Variants in NBEAL2 observed in about 807,000 individuals in gnomAD.
NBEAL2 encodes the protein neurobeachin-like protein 2.
Under a neutral mutation model 299.8 loss-of-function variants are expected in NBEAL2, and 160 were observed. The observed-to-expected ratio is 0.53, with a 90% CI of 0.47 to 0.61. The LOEUF (loss-of-function observed/expected upper bound fraction) is 0.61. Ranked by LOEUF, NBEAL2 falls within the 20% of genes least tolerant of loss-of-function variation. The pLI is 0.00. For synonymous variants in NBEAL2, 1,493 were observed against 1,542.3 expected, an observed-to-expected ratio of 0.97 and a Z score of 0.75; for missense variants, 3,112 against 3,649.0, an observed-to-expected ratio of 0.85 and a Z score of 3.79.
At chr3:46,985,759 GGGTTGGGGCCCTGACCCAGTTA>G (rs1350042013) in intron 1 of NBEAL2, among the ~76,000 whole-genome samples, 1 of 152,220 alleles carries the variant, frequency 6.6e-6, no homozygotes, top group Non-Finnish European at 1.5e-5. Flanking sequence ...GTGGGGGACA[GGGTTGGGGCCCTGACCCAGTTA>G]GGTTGGGGCA....
In NBEAL2 at chr3:47,002,536, T is replaced by C. The variant is rs745939751; in HGVS notation, c.5301+16T>C. ...GGCCTTCCAGGTGTGCCACCCGGGGTAAGGGATGGGAAACTGCTCCACACA... is the reference window on the plus strand; with the variant it reads ...GGCCTTCCAGGTGTGCCACCCGGGGCAAGGGATGGGAAACTGCTCCACACA... On this transcript the variant is annotated intron_variant, in intron 32 of 53. Coordinates refer to ENST00000450053, the MANE Select transcript of NBEAL2 (RefSeq NM_015175.3). The C allele has an allele frequency of 4.3e-6, 7 of 1,611,260 alleles. No individual in the cohort carries two copies. The highest frequency in any genetic ancestry group is 1.1e-5 in the South Asian group (1 of 90,984).
intron 52 of NBEAL2, 23 bp from the exon 53 acceptor site, chr3:47,008,966 T>C (rs1041578864): frequency 6.3e-7 from 1 of 1,598,434 alleles, no homozygotes; most frequent in Non-Finnish European, 8.5e-7. Context: ...CGCAAGTTGG[T>C]GTATATCCCC....
chr3:46,996,374 C>T lies in NBEAL2; in HGVS notation c.2255C>T (p.Pro752Leu). Residue 752 changes from proline to leucine, a missense_variant, in exon 16 of 54, where the codon CCC becomes CTC. Transcript: ENST00000450053. The stretch of plus-strand genomic sequence containing the variant: ...CCCGCCACCCTGGCCTACACTCACC[C>T]CGCCCTCACCCGCTCCCAGTCAGTC... ...PVPATLAYTH[P>L]ALTRSQSVPA... 1 of 1,612,392 alleles carries T rather than the reference C, an allele frequency of 6.2e-7. No individual in the cohort carries two copies.
intron 1 of NBEAL2, chr3:46,987,942 CTG>C: frequency 8.1e-7 from 1 of 1,236,680 alleles, no homozygotes; most frequent in Non-Finnish European, 1.0e-6. Flanking sequence ...CACCGTGACT[CTG>C]CGCTTCCTGC....
Position 47,004,558 on chromosome 3 carries a change from C to A in NBEAL2, c.6262C>A (p.Arg2088=), listed in dbSNP as rs762392684. The A allele has an allele frequency of 5.0e-6, 8 of 1,613,676 alleles. No homozygotes were observed. In the South Asian group the frequency reaches 5.5e-5, roughly 11 times the overall value. Residue 2088 remains arginine (R), a synonymous_variant, in exon 38 of 54, where the codon CGG becomes AGG. Transcript: ENST00000450053. The surrounding 1 kb of genome is among the most constrained non-coding windows in gnomAD (Gnocchi z 5.0). ...GATGCAACTCAACACCATTGCGGGGCGGACCTACAATGACCTGTCTCAGTA... is the reference window on the plus strand; with the variant it reads ...GATGCAACTCAACACCATTGCGGGGAGGACCTACAATGACCTGTCTCAGTA... ...YLMQLNTIAG[R]TYNDLSQYPV...
In NBEAL2 at chr3:47,009,238, C is replaced by T; in HGVS notation, c.8183C>T (p.Ala2728Val). ...QPSEVRSSQF[A>V]RKLWRSSRRI... ...CACCAGGTGCGCAGCAGCCAGTTCG[C>T]GCGGAAGCTGTGGCGGTCCTCGCGG... The change falls in exon 54 of 54, where the codon GCG becomes GTG. Residue 2728 changes from alanine (A) to valine (V), a missense_variant. Around this residue, in one of 3 missense-constraint regions of NBEAL2, gnomAD observed 348 missense variants for 381.4 expected, o/e 0.91. Transcript: ENST00000450053. 1 of 1,600,092 alleles carries T rather than the reference C, an allele frequency of 6.2e-7. No individual in the cohort carries two copies. The highest frequency in any genetic ancestry group is 2.3e-5 in the East Asian group (1 of 44,204).
rs756774725 is a variant in NBEAL2, at chr3:47,001,299, A to T, written c.4505A>T (p.Glu1502Val). ...IKRSLLEMML[E>V]SALTDIKEAP... is the part of the protein sequence containing the mutation. The stretch of plus-strand genomic sequence containing the variant: ...GCCAGCCTCCTGGAGATGATGCTGG[A>T]GTCAGCCCTGACCGACATCAAAGAG... The change falls in exon 29 of 54, where the codon GAG becomes GTG. Residue 1502 changes from glutamate (E) to valine (V), a missense_variant. Physicochemically the swap from Glu to Val is moderately radical, Grantham distance 121 (BLOSUM62 -2). This residue lies in a region of NBEAL2 where 2,243 missense variants were observed against 2,538.1 expected (regional missense o/e 0.88). Coordinates refer to ENST00000450053, the MANE Select transcript of NBEAL2 (RefSeq NM_015175.3). This position sits in a 1 kb window ranked among gnomAD's most constrained non-coding sequence, Gnocchi z 6.1. 6.2e-7 allele frequency: 1 copy of T among 1,611,076 alleles called. No homozygotes were observed. Among genetic ancestry groups the T allele is most frequent in the Admixed American group, 1.7e-5 (1 of 59,968 alleles).
At position 47,002,781 on chromosome 3, in the gene NBEAL2, C is replaced by T. The variant is rs745323832; in HGVS notation, c.5438C>T (p.Pro1813Leu). The T allele has an allele frequency of 3.2e-6, 5 of 1,551,510 alleles. No homozygotes were observed. The Admixed American group carries it at 7.5e-5, about 23-fold the overall frequency. The stretch of plus-strand genomic sequence containing the variant: ...GCGCTGTGGCGCCAGCTCGCCAGCC[C>T]ATGTGGGGCCTGGGCGCTGAGGTGG... ...WGALWRQLAS[P>L]CGAWALRDTP... Residue 1813 changes from proline (P) to leucine (L), a missense_variant, in exon 33 of 54, where the codon CCA becomes CTA. Transcript: ENST00000450053.
chr3:47,004,896 G>A lies in NBEAL2; in HGVS notation c.6295-76G>A. 2 of 1,548,242 alleles carry A rather than the reference G, an allele frequency of 1.3e-6. No homozygotes were observed. The highest frequency in any genetic ancestry group is 2.4e-5 in the South Asian group (2 of 84,018). ...GGGCAGGCTCTGTGCCCGCCTTCTTGAGGGTGTGGGCAGGGCAGGGTGGGC... is the reference window on the plus strand; with the variant it reads ...GGGCAGGCTCTGTGCCCGCCTTCTTAAGGGTGTGGGCAGGGCAGGGTGGGC... On this transcript the variant is annotated intron_variant, in intron 38 of 53. Coordinates refer to ENST00000450053, the MANE Select transcript of NBEAL2 (RefSeq NM_015175.3). This position sits in a 1 kb window ranked among gnomAD's most constrained non-coding sequence, Gnocchi z 5.0.
intron 21 of NBEAL2, 45 bp from the exon 22 acceptor site, chr3:46,998,418 C>G (rs1244553508): frequency 1.9e-6 from 3 of 1,574,090 alleles, no homozygotes; most frequent in Admixed American, 3.6e-5. Context: ...TCTGAAGGGC[C>G]CAGCTCAGCC....
At chr3:46,990,538 C>T (rs2036008060) in intron 6 of NBEAL2, among the ~76,000 whole-genome samples, 4 of 152,178 alleles carry the variant, frequency 2.6e-5, no homozygotes. Context: ...TCAGGTCTCC[C>T]CTCAAAAGCC....
Position 47,009,560 on chromosome 3 carries a change from A to C in NBEAL2, c.*240A>C, listed in dbSNP as rs1471377510. ...CAGCACTGGCGTCTGCGGCCGCAGCAGCACTTTTTGCACAGTCTGGGGCGG... is the reference window on the plus strand; with the variant it reads ...CAGCACTGGCGTCTGCGGCCGCAGCCGCACTTTTTGCACAGTCTGGGGCGG... On this transcript the variant is annotated 3_prime_UTR_variant, in exon 54 of 54. Coordinates refer to ENST00000450053, the MANE Select transcript of NBEAL2 (RefSeq NM_015175.3). The C allele has an allele frequency of 3.6e-6, 2 of 557,492 alleles. No homozygotes were observed. Among genetic ancestry groups the C allele is most frequent in the Non-Finnish European group, 6.3e-6 (2 of 315,752 alleles). The allele number at this position is 557,492 out of a possible 1,614,324, so 34.5% of individuals were successfully genotyped here.
At chr3:46,987,577 A>G (rs2035752304) in intron 1 of NBEAL2, among the ~76,000 whole-genome samples, 1 of 152,230 alleles carries the variant, frequency 6.6e-6, no homozygotes, top group South Asian at 2.1e-4. Context: ...TGAGGTGGCC[A>G]GGACATGGCG....
Position 46,991,121 on chromosome 3 carries a change from C to G in NBEAL2, c.557-98C>G. The G allele has an allele frequency of 9.3e-7, 1 of 1,080,734 alleles. No individual in the cohort carries two copies. Among genetic ancestry groups the G allele is most frequent in the Non-Finnish European group, 1.4e-6 (1 of 722,474 alleles). 66.9% of individuals were successfully genotyped at this position (1,080,734 alleles called of 1,614,324 possible). ...GATCTTTTACTTGGCCCAGCTCCCTCTCCCCTCCACCCCAGGGCACTCACC... is the reference window on the plus strand; with the variant it reads ...GATCTTTTACTTGGCCCAGCTCCCTGTCCCCTCCACCCCAGGGCACTCACC... On this transcript the variant is annotated intron_variant, in intron 6 of 53. Transcript: ENST00000450053. This position sits in a 1 kb window ranked among gnomAD's most constrained non-coding sequence, Gnocchi z 6.2.
chr3:46,998,983 C>T lies in NBEAL2; in HGVS notation c.3409C>T (p.Leu1137=), dbSNP rs554720150. ...GQAVGALDLL[L]ALLHGSLVQE... ...GGCGGTGGGTGCGCTGGACCTGCTG[C>T]TGGCCCTGCTGCACGGTTCCCTGGT... Residue 1137 remains leucine, a synonymous_variant, in exon 24 of 54, where the codon CTG becomes TTG. Transcript: ENST00000450053. 9.0e-5 allele frequency: 145 copies of T among 1,607,534 alleles called. No individual in the cohort carries two copies. The East Asian group carries it at 2.7e-3, about 30-fold the overall frequency.
rs2035447326 is a variant in NBEAL2, at chr3:46,982,986, T to A, written c.51+3074T>A. On this transcript the variant is annotated intron_variant, in intron 1 of 53. Coordinates refer to ENST00000450053, the MANE Select transcript of NBEAL2 (RefSeq NM_015175.3). This position sits in a 1 kb window ranked among gnomAD's most constrained non-coding sequence, Gnocchi z 4.2. ...ATAGCATGCAGATGAGTGGCCCCTG[T>A]TCAGGCCGGAGCAGCAGTGATGTTC... Among the ~76,000 whole-genome samples the A allele has an allele frequency of 6.6e-6, 1 of 152,120 alleles. No individual in the cohort carries two copies.
rs1248053656 is a variant in NBEAL2 at position 46,991,227 on chromosome 3, C to A, written c.565C>A (p.Gln189Lys). The change falls in exon 7 of 54, where the codon CAG (glutamine) becomes AAG (lysine). Residue 189 changes from glutamine to lysine, a missense_variant. Gln to Lys is a moderately conservative substitution (Grantham distance 53). This residue lies in a region of NBEAL2 where 2,243 missense variants were observed against 2,538.1 expected (regional missense o/e 0.88). Coordinates refer to ENST00000450053, the MANE Select transcript of NBEAL2 (RefSeq NM_015175.3). The surrounding 1 kb of genome is among the most constrained non-coding windows in gnomAD (Gnocchi z 6.2). ...CACACCCCCCTACCCAGAGAGCCTACAGAATGCAGACCACTTGCCTCCCAT... is the reference window on the plus strand; with the variant it reads ...CACACCCCCCTACCCAGAGAGCCTAAAGAATGCAGACCACTTGCCTCCCAT... Reference protein sequence around the residue: ...EFSAFFQESLQNADHLPPILL... With the variant: ...EFSAFFQESLKNADHLPPILL... 6.2e-7 allele frequency: 1 copy of A among 1,606,518 alleles called. No individual in the cohort carries two copies. The highest frequency in any genetic ancestry group is 8.5e-7 in the Non-Finnish European group (1 of 1,176,370).
Position 46,996,323 on chromosome 3 carries a change from C to T in NBEAL2, c.2204C>T (p.Thr735Ile), listed in dbSNP as rs753126270. 2 of 1,611,368 alleles carry T rather than the reference C, an allele frequency of 1.2e-6. No homozygotes were observed. The highest frequency in any genetic ancestry group is 2.7e-5 in the African/African-American group (2 of 74,936). ...GSAGYRTTTT[T>I]TGLPTPPVPA... ...GCTGGATACCGCACAACGACCACCACCACAGGGCTGCCCACACCACCAGTC... is the reference window on the plus strand; with the variant it reads ...GCTGGATACCGCACAACGACCACCATCACAGGGCTGCCCACACCACCAGTC... Residue 735 changes from threonine to isoleucine, a missense_variant, in exon 16 of 54, where the codon ACC (threonine) becomes ATC (isoleucine). Transcript: ENST00000450053.
In NBEAL2 at chr3:47,002,201, GC is replaced by G; in HGVS notation, c.5066del (p.Pro1689HisfsTer61). The G allele has an allele frequency of 6.5e-7, 1 of 1,528,694 alleles. No homozygotes were observed. Among genetic ancestry groups the G allele is most frequent in the Non-Finnish European group, 8.8e-7 (1 of 1,134,366 alleles). The allele number at this position is 1,528,694 out of a possible 1,614,324, so 94.7% of individuals were successfully genotyped here. A position where few individuals can be genotyped will look rare whatever the true frequency, so the allele number is the denominator to read the frequency against. ...GGCTGCAGTGGGGACTGCCCTCCCT[GC>G]CACCCACCAATGGCAGCCCCACCTT... is the stretch of plus-strand genomic sequence containing the variant. ...LGLQWGLPSL[P>X]PTNGSPTFFE... On this transcript the variant is annotated frameshift_variant, in exon 31 of 54. Coordinates refer to ENST00000450053, the MANE Select transcript of NBEAL2 (RefSeq NM_015175.3). LOFTEE classifies it high-confidence loss of function.
Sources: allele counts gnomAD v4.1 joint callset (sites outside exome capture counted in the v4.1 genomes callset), GRCh38; gene constraint gnomAD v4.1.1; regional missense constraint gnomAD v4.1.1; non-coding constraint Gnocchi (gnomAD v3.1); transcripts MANE v1.5; gene names NCBI Gene and HGNC (gene_info 2026-07-23, HGNC 2026-07-21).